ARHGAP15: variants seen among roughly 807,000 people sequenced by gnomAD.
ARHGAP15 encodes Rho GTPase activating protein 15, also known as rho GTPase-activating protein 15.
Under a neutral mutation model 63.7 loss-of-function variants are expected in ARHGAP15, and 51 were observed. That is an observed-to-expected ratio of 0.80 (90% CI 0.64 to 1.01). The LOEUF (loss-of-function observed/expected upper bound fraction) is 1.01. Ranked by LOEUF, ARHGAP15 falls within the 50% of genes least tolerant of loss-of-function variation. ARHGAP15 has a pLI of 0.00. For missense variants in ARHGAP15, 560 were observed against 564.6 expected (o/e 0.99, Z 0.08); for synonymous variants, 191 against 193.8 (o/e 0.99, Z 0.12).
chr2:143,294,664 A>T (rs1162793819), intron 6 of ARHGAP15, among the ~76,000 whole-genome samples: 2 of 152,020 alleles, frequency 1.3e-5, no homozygotes, highest in Non-Finnish European at 2.9e-5. Context: ...TCTTACTAGG[A>T]AGTGTAGCCT....
chr2:143,320,477 T>C (rs560343043), intron 6 of ARHGAP15, among the ~76,000 whole-genome samples: 1 of 129,554 alleles, frequency 7.7e-6, no homozygotes. Flanking sequence ...GCCCAGAAAT[T>C]TGGGGCAAAC....
intron 3 of ARHGAP15, among the ~76,000 whole-genome samples, chr2:143,204,840 A>T (rs16858835): frequency 0.17 from 25,850 of 151,916 alleles, 2,398 homozygotes; most frequent in Middle Eastern, 0.24. Flanking sequence ...ACAAAATAAT[A>T]TATTTGGTGC....
chr2:143,584,030 TA>T (rs1302680837), intron 11 of ARHGAP15, among the ~76,000 whole-genome samples: 15 of 152,216 alleles, frequency 9.9e-5, no homozygotes. Context: ...ATAGATTTAA[TA>T]TATACCGAAT....
At chr2:143,500,026 G>C (rs1692982644) in intron 9 of ARHGAP15, among the ~76,000 whole-genome samples, 1 of 151,822 alleles carries the variant, frequency 6.6e-6, no homozygotes, top group Non-Finnish European at 1.5e-5. Flanking sequence ...TAAGGAAAAG[G>C]CACAGTAAAG....
intron 6 of ARHGAP15, among the ~76,000 whole-genome samples, chr2:143,276,421 C>T (rs916093601): frequency 1.3e-5 from 2 of 152,210 alleles, no homozygotes; most frequent in Non-Finnish European, 2.9e-5. Flanking sequence ...AGGGTTTAAA[C>T]ACAGAGGTGG....
chr2:143,664,902 A>C (rs1187165963), intron 12 of ARHGAP15, among the ~76,000 whole-genome samples: 5 of 152,094 alleles, frequency 3.3e-5, no homozygotes, highest in African/African-American at 7.2e-5. Context: ...CAATAACAGG[A>C]GCTGAAATTG....
At chr2:143,478,705 A>T (rs1045444370) in intron 8 of ARHGAP15, among the ~76,000 whole-genome samples, 4 of 144,424 alleles carry the variant, frequency 2.8e-5, no homozygotes, top group African/African-American at 9.8e-5. Flanking sequence ...ATTAGTCATT[A>T]TTATAAATAT....
chr2:143,323,115 C>T (rs892356878), intron 6 of ARHGAP15, among the ~76,000 whole-genome samples: 2 of 152,258 alleles, frequency 1.3e-5, no homozygotes, highest in African/African-American at 4.8e-5. Flanking sequence ...TGCCTCCTTG[C>T]ATAAATTGTT....
At chr2:143,652,550 G>C (rs1681223515) in intron 12 of ARHGAP15, among the ~76,000 whole-genome samples, 1 of 151,988 alleles carries the variant, frequency 6.6e-6, no homozygotes, top group African/African-American at 2.4e-5. Context: ...ACAATATAGG[G>C]TTTTCCAACC....
chr2:143,286,324 C>T (rs2105100666), intron 6 of ARHGAP15, among the ~76,000 whole-genome samples: 1 of 152,258 alleles, frequency 6.6e-6, no homozygotes, highest in South Asian at 2.1e-4. Context: ...TTCTAACAGA[C>T]CACAGTGTGC....
intron 3 of ARHGAP15, among the ~76,000 whole-genome samples, chr2:143,207,481 CACACACACACATAA>C (rs1692378835): frequency 7.2e-6 from 1 of 139,328 alleles, no homozygotes; most frequent in African/African-American, 2.8e-5. Flanking sequence ...CCCATTGACA[CACACACACACATAA>C]ACACACACAC....
intron 8 of ARHGAP15, among the ~76,000 whole-genome samples, chr2:143,451,826 A>T (rs1271342868): frequency 6.6e-6 from 1 of 151,972 alleles, no homozygotes; most frequent in African/African-American, 2.4e-5. Flanking sequence ...CCAGCCACCC[A>T]CAGTCTTGTT....
At chr2:143,169,427 T>C (rs557553117) in intron 2 of ARHGAP15, among the ~76,000 whole-genome samples, 1 of 152,190 alleles carries the variant, frequency 6.6e-6, no homozygotes, top group African/African-American at 2.4e-5. Flanking sequence ...CTGAGGACCA[T>C]AAGAAACTGA....
chr2:143,698,912 CA>C (rs1199146275), intron 12 of ARHGAP15, among the ~76,000 whole-genome samples: 1 of 152,128 alleles, frequency 6.6e-6, no homozygotes, highest in Non-Finnish European at 1.5e-5. Context: ...AGTGATATCT[CA>C]AAGTCTTCTC....
intron 12 of ARHGAP15, among the ~76,000 whole-genome samples, chr2:143,660,548 C>T (rs2105321078): frequency 6.6e-6 from 1 of 152,292 alleles, no homozygotes; most frequent in East Asian, 1.9e-4. Flanking sequence ...AAAATGAACA[C>T]TTTATGAATT....
chr2:143,443,194 T>C (rs1689969677), intron 8 of ARHGAP15, among the ~76,000 whole-genome samples: 2 of 152,292 alleles, frequency 1.3e-5, no homozygotes, highest in African/African-American at 4.8e-5. Flanking sequence ...TATTAAGAAT[T>C]TTGTGTAAAA....
intron 8 of ARHGAP15, among the ~76,000 whole-genome samples, chr2:143,482,542 A>G (rs563337607): frequency 6.6e-6 from 1 of 152,332 alleles, no homozygotes; most frequent in South Asian, 2.1e-4. Flanking sequence ...GAAGCAAACT[A>G]TGTCCCGATT....
intron 6 of ARHGAP15, among the ~76,000 whole-genome samples, chr2:143,362,246 A>G (rs1686092967): frequency 6.6e-6 from 1 of 152,166 alleles, no homozygotes; most frequent in African/African-American, 2.4e-5. Flanking sequence ...TGTGTCTCCC[A>G]TTAGAATACG....
chr2:143,748,440 G>T (rs961879702), intron 13 of ARHGAP15, among the ~76,000 whole-genome samples: 1 of 152,162 alleles, frequency 6.6e-6, no homozygotes, highest in Non-Finnish European at 1.5e-5. Flanking sequence ...AATTTGCAAT[G>T]AAATTTTACT....
Sources: gnomAD v4.1 joint callset for allele counts (sites outside exome capture counted in the v4.1 genomes callset) on GRCh38, gnomAD v4.1.1 for gene constraint, MANE v1.5 for transcripts, NCBI Gene and HGNC (gene_info 2026-07-23, HGNC 2026-07-21) for gene names.